CSTPP1: variants seen among roughly 807,000 people sequenced by gnomAD.
CSTPP1 encodes UPF0705 protein C11orf49.
chr11:46,939,082 CTTTTTTT>C, the CSTPP1 span, among the ~76,000 whole-genome samples: 2 of 84,744 alleles, frequency 2.4e-5, no homozygotes, highest in South Asian at 4.3e-4. Flanking sequence ...TGGCTTACAT[CTTTTTTT>C]TTTTTTTTTT....
At chr11:46,987,204 G>T in the CSTPP1 span, 1 of 1,613,488 alleles carries the variant, frequency 6.2e-7, no homozygotes, top group Non-Finnish European at 8.5e-7. Flanking sequence ...CTATTTGATT[G>T]CAGCTCAGCG....
At chr11:46,994,584 ATT>A in the CSTPP1 span, among the ~76,000 whole-genome samples, 1 of 152,070 alleles carries the variant, frequency 6.6e-6, no homozygotes, top group Non-Finnish European at 1.5e-5. Context: ...ACATTTATTG[ATT>A]TGTGTATGTT....
the CSTPP1 span, among the ~76,000 whole-genome samples, chr11:47,086,912 A>G: frequency 1.3e-5 from 2 of 152,216 alleles, no homozygotes; most frequent in Non-Finnish European, 2.9e-5. Flanking sequence ...TGGTAAGTTG[A>G]CAGAAATCTG....
the CSTPP1 span, among the ~76,000 whole-genome samples, chr11:47,001,156 T>C: frequency 2.0e-4 from 31 of 152,288 alleles, no homozygotes; most frequent in Non-Finnish European, 3.8e-4. Flanking sequence ...GCTTCCTGTG[T>C]CCAAAAATGA....
the CSTPP1 span, among the ~76,000 whole-genome samples, chr11:47,088,629 C>T: frequency 6.6e-6 from 1 of 152,174 alleles, no homozygotes; most frequent in Admixed American, 6.5e-5. Flanking sequence ...TCACTGCAAC[C>T]TCCACCTCCT....
chr11:47,140,400 A>AT, the CSTPP1 span, among the ~76,000 whole-genome samples: 1 of 151,728 alleles, frequency 6.6e-6, no homozygotes, highest in African/African-American at 2.4e-5. Flanking sequence ...GGCAGAAATC[A>AT]TTTTATTAAA....
chr11:47,097,003 C>T, the CSTPP1 span, among the ~76,000 whole-genome samples: 1 of 152,160 alleles, frequency 6.6e-6, no homozygotes, highest in East Asian at 1.9e-4. Context: ...CCTAATAAAG[C>T]AGGGAGCTCC....
At chr11:47,118,328 T>A in the CSTPP1 span, among the ~76,000 whole-genome samples, 1 of 152,150 alleles carries the variant, frequency 6.6e-6, no homozygotes, top group Non-Finnish European at 1.5e-5. Context: ...CTCTACACTG[T>A]TTATTCTAGT....
chr11:47,157,905 G>A, the CSTPP1 span: 1 of 1,613,922 alleles, frequency 6.2e-7, no homozygotes, highest in Non-Finnish European at 8.5e-7. Context: ...AAGCACCGTG[G>A]AATCAACCAA....
At chr11:47,156,979 T>C in the CSTPP1 span, 4 of 1,604,180 alleles carry the variant, frequency 2.5e-6, no homozygotes, top group Non-Finnish European at 3.4e-6. Context: ...ATGTCCTCCC[T>C]GCCTGAGCCG....
At chr11:46,987,355 C>T in the CSTPP1 span, 199 of 1,493,682 alleles carry the variant, frequency 1.3e-4, 3 homozygotes, top group East Asian at 3.6e-3. Context: ...CCAGAGGAGG[C>T]GCTTGGAAGC....
At chr11:46,952,430 A>G in the CSTPP1 span, among the ~76,000 whole-genome samples, 5 of 152,360 alleles carry the variant, frequency 3.3e-5, no homozygotes, top group South Asian at 4.1e-4. Context: ...TCTAATGGAC[A>G]GTCGTGTGCA....
the CSTPP1 span, among the ~76,000 whole-genome samples, chr11:46,951,190 T>C: frequency 6.6e-6 from 1 of 152,176 alleles, no homozygotes; most frequent in East Asian, 1.9e-4. Flanking sequence ...TCAGGTTTTG[T>C]AATTTCTAAG....
At chr11:46,939,633 T>TAGAC in the CSTPP1 span, among the ~76,000 whole-genome samples, 1 of 80,366 alleles carries the variant, frequency 1.2e-5, no homozygotes, top group Non-Finnish European at 2.5e-5. Flanking sequence ...CTAAAATGCA[T>TAGAC]AGATAGATAG....
chr11:47,092,862 C>A, the CSTPP1 span, among the ~76,000 whole-genome samples: 1 of 152,216 alleles, frequency 6.6e-6, no homozygotes, highest in Non-Finnish European at 1.5e-5. Flanking sequence ...ATACTGACTT[C>A]TTTGTGTTTT....
chr11:47,092,523 C>T, the CSTPP1 span, among the ~76,000 whole-genome samples: 73 of 152,244 alleles, frequency 4.8e-4, 1 homozygote, highest in Admixed American at 2.4e-3. Context: ...AATATGTCAC[C>T]ATATTTGTGA....
At chr11:46,983,589 G>A in the CSTPP1 span, among the ~76,000 whole-genome samples, 1 of 152,128 alleles carries the variant, frequency 6.6e-6, no homozygotes, top group African/African-American at 2.4e-5. Context: ...GGATGCAGGT[G>A]TGCTGTTTTT....
chr11:47,152,870 G>C, the CSTPP1 span, among the ~76,000 whole-genome samples: 1 of 152,174 alleles, frequency 6.6e-6, no homozygotes, highest in Non-Finnish European at 1.5e-5. Context: ...GCCCAGTGCT[G>C]TTCTGTCGTA....
the CSTPP1 span, chr11:47,042,085 C>T: frequency 1.8e-5 from 2 of 112,960 alleles, no homozygotes; most frequent in South Asian, 1.4e-4. Flanking sequence ...GCTTGTAGTC[C>T]CAGCTACTCA....
Sources: gnomAD v4.1 joint callset for allele counts (sites outside exome capture counted in the v4.1 genomes callset) on GRCh38, gnomAD v4.1.1 for gene constraint, MANE v1.5 for transcripts, NCBI Gene and HGNC (gene_info 2026-07-23, HGNC 2026-07-21) for gene names.